Variants in DOCK1 observed in about 807,000 individuals in gnomAD.
The protein encoded by DOCK1 is dedicator of cytokinesis protein 1.
DOCK1 carries 138 observed loss-of-function variants against 262.7 expected under a neutral mutation model. The observed-to-expected ratio is 0.53, with a 90% CI of 0.46 to 0.61. The LOEUF (loss-of-function observed/expected upper bound fraction) is 0.61, where lower values mean the gene tolerates loss of function less well. Ranked by LOEUF, DOCK1 falls within the 20% of genes least tolerant of loss-of-function variation. The pLI is 0.00. For synonymous variants in DOCK1, 866 were observed against 867.4 expected (o/e 1.00, Z 0.03); for missense variants, 1,908 against 2,370.7 (o/e 0.80, Z 4.05).
chr10:127,430,186 A>C (rs922361321), intron 47 of DOCK1, among the ~76,000 whole-genome samples: 7 of 152,038 alleles, frequency 4.6e-5, no homozygotes, highest in African/African-American at 1.7e-4. Context: ...GGTTCACCCC[A>C]CCATCTTTGC....
At chr10:127,145,120 T>C (rs2051677143) in intron 27 of DOCK1, among the ~76,000 whole-genome samples, 1 of 152,166 alleles carries the variant, frequency 6.6e-6, no homozygotes, top group African/African-American at 2.4e-5. Flanking sequence ...ATCTTACCTG[T>C]GGCACTCTCT....
At chr10:127,043,324 C>A (rs1198414996) in intron 21 of DOCK1, among the ~76,000 whole-genome samples, 160 bp downstream of exon 21, 2 of 152,130 alleles carry the variant, frequency 1.3e-5, no homozygotes, top group Non-Finnish European at 2.9e-5. Context: ...TCTTAACATA[C>A]CTAAAAACCT....
intron 23 of DOCK1, among the ~76,000 whole-genome samples, chr10:127,065,623 C>T (rs7078601): frequency 0.25 from 37,463 of 151,916 alleles, 4,831 homozygotes; most frequent in African/African-American, 0.31. Context: ...CCCAGCACCC[C>T]ACCATGCTAC....
intron 27 of DOCK1, among the ~76,000 whole-genome samples, chr10:127,218,327 A>G (rs1356868081): frequency 2.6e-5 from 4 of 152,222 alleles, no homozygotes; most frequent in Non-Finnish European, 5.9e-5. Flanking sequence ...TCACAATGGA[A>G]TCATCAAGTC....
At chr10:127,307,877 C>A (rs574015684) in intron 29 of DOCK1, among the ~76,000 whole-genome samples, 1 of 152,224 alleles carries the variant, frequency 6.6e-6, no homozygotes, top group African/African-American at 2.4e-5. Flanking sequence ...GTGAGTTTTC[C>A]TGGAATTGTC....
chr10:126,990,631 G>T, intron 6 of DOCK1, 28 bp downstream of exon 6: 2 of 1,609,268 alleles, frequency 1.2e-6, no homozygotes, highest in South Asian at 1.1e-5. Flanking sequence ...ATGATTTTAC[G>T]CTTAAATTAT....
chr10:127,221,110 G>C (rs1212584672), intron 27 of DOCK1, among the ~76,000 whole-genome samples: 1 of 152,192 alleles, frequency 6.6e-6, no homozygotes, highest in East Asian at 1.9e-4. Context: ...GGAAGCTATG[G>C]TATTTTATTT....
intron 30 of DOCK1, among the ~76,000 whole-genome samples, chr10:127,342,733 T>TGA (rs2063486814): frequency 6.6e-6 from 1 of 152,124 alleles, no homozygotes; most frequent in Non-Finnish European, 1.5e-5. Context: ...ATGAGAAAAC[T>TGA]GAGACCTACA....
intron 23 of DOCK1, among the ~76,000 whole-genome samples, chr10:127,064,434 A>G (rs1489065701): frequency 1.3e-5 from 2 of 152,228 alleles, no homozygotes; most frequent in Admixed American, 6.5e-5. Context: ...CAGGATAAGC[A>G]TGGTCTCCAG....
At chr10:127,391,983 T>G (rs945905448) in intron 38 of DOCK1, among the ~76,000 whole-genome samples, 1 of 120,612 alleles carries the variant, frequency 8.3e-6, no homozygotes, top group East Asian at 2.4e-4. Flanking sequence ...ATGAGGCCCC[T>G]TAGAGTAGGA....
chr10:126,937,303 C>A lies in DOCK1; in HGVS notation c.46+31740C>A, dbSNP rs1392585074. Reference sequence around the variant, plus strand: ...TAATGCTGCTATGAACATGGGTGTACAAATATCTCTTCAAGACCCTGATTT... The same window carrying A: ...TAATGCTGCTATGAACATGGGTGTAAAAATATCTCTTCAAGACCCTGATTT... On this transcript the variant is annotated intron_variant, in intron 1 of 51. Coordinates refer to ENST00000623213, the MANE Select transcript of DOCK1 (RefSeq NM_001290223.2). 1.4e-4 allele frequency among the ~76,000 whole-genome samples: 21 copies of A among 152,114 alleles called. 1 individual carries two copies. Among genetic ancestry groups the A allele is most frequent in the African/African-American group, 4.8e-4 (20 of 41,452 alleles).
chr10:127,106,639 C>G (rs1477587031), intron 24 of DOCK1, among the ~76,000 whole-genome samples: 1 of 152,018 alleles, frequency 6.6e-6, no homozygotes, highest in African/African-American at 2.4e-5. Flanking sequence ...CCTAAAAATC[C>G]TGACATAGGA....
intron 23 of DOCK1, among the ~76,000 whole-genome samples, chr10:127,072,189 A>C (rs1449388340): frequency 6.6e-6 from 1 of 152,230 alleles, no homozygotes; most frequent in Non-Finnish European, 1.5e-5. Flanking sequence ...GAAAGTGAGC[A>C]GGTCTCAGAG....
intron 1 of DOCK1, among the ~76,000 whole-genome samples, chr10:126,968,226 G>T (rs1461788113): frequency 6.6e-6 from 1 of 151,946 alleles, no homozygotes; most frequent in Non-Finnish European, 1.5e-5. Context: ...GCATCCTTCC[G>T]CTCCTCTCTC....
chr10:127,206,297 C>T (rs1031317073), intron 27 of DOCK1, among the ~76,000 whole-genome samples: 4 of 151,968 alleles, frequency 2.6e-5, no homozygotes, highest in Non-Finnish European at 5.9e-5. Flanking sequence ...GCACCCGCCA[C>T]CATGCCCAGC....
At chr10:127,155,107 C>T (rs560570853) in intron 27 of DOCK1, among the ~76,000 whole-genome samples, 91 of 152,312 alleles carry the variant, frequency 6.0e-4, no homozygotes, top group Middle Eastern at 6.8e-3. Flanking sequence ...CAAATTTCCA[C>T]GTACAGAGCT....
intron 1 of DOCK1, among the ~76,000 whole-genome samples, chr10:126,966,488 A>G (rs1478692008): frequency 6.6e-6 from 1 of 152,180 alleles, no homozygotes. Context: ...ATTGTTGTCT[A>G]TAATGGCATA....
At chr10:127,214,968 C>T (rs1185440609) in intron 27 of DOCK1, among the ~76,000 whole-genome samples, 1 of 152,174 alleles carries the variant, frequency 6.6e-6, no homozygotes. Flanking sequence ...TGGTCACCCG[C>T]TCCTTTCCGC....
intron 21 of DOCK1, among the ~76,000 whole-genome samples, chr10:127,045,051 A>T (rs2044250732): frequency 6.6e-6 from 1 of 151,992 alleles, no homozygotes; most frequent in Non-Finnish European, 1.5e-5. Context: ...TGCAAAAATT[A>T]GCTGCGCGTG....
Sources: gnomAD v4.1 joint callset for allele counts (sites outside exome capture counted in the v4.1 genomes callset) on GRCh38, gnomAD v4.1.1 for gene constraint, MANE v1.5 for transcripts, NCBI Gene and HGNC (gene_info 2026-07-23, HGNC 2026-07-21) for gene names.